Variants in RASGRP2 observed in about 807,000 individuals in gnomAD.
The protein encoded by RASGRP2 is RAS guanyl-releasing protein 2.
RASGRP2 carries 44 observed loss-of-function variants against 71.0 expected under a neutral mutation model. That is an observed-to-expected ratio of 0.62 (90% confidence interval 0.49 to 0.80). The LOEUF is 0.80. Ranked by LOEUF, RASGRP2 falls within the 30% of genes least tolerant of loss-of-function variation. The probability of loss-of-function intolerance (pLI) is 0.00; values close to 1 mark genes in which losing one functional copy is unlikely to be tolerated. For missense variants in RASGRP2, 663 were observed against 813.4 expected (o/e 0.82, Z 2.25); for synonymous variants, 350 against 330.7 (o/e 1.06, Z -0.63).
Position 64,727,059 on chromosome 11 carries a change from G to A in RASGRP2, c.*79C>T, listed in dbSNP as rs1274395578. 18 of 232,012 alleles carry A rather than the reference G, an allele frequency of 7.8e-5. No individual in the cohort carries two copies. The highest frequency in any genetic ancestry group is 4.0e-4 in the South Asian group (10 of 24,834). The allele number at this position is 232,012 out of a possible 1,614,324, so 14.4% of individuals were successfully genotyped here. Reference sequence around the variant, plus strand: ...ACCCCCATCCCCAGCCTCCTGCCCCGACACCCCCAGGCTCCCTGCTCTGGT... The same window carrying A: ...ACCCCCATCCCCAGCCTCCTGCCCCAACACCCCCAGGCTCCCTGCTCTGGT... On this transcript the variant is annotated 3_prime_UTR_variant, in exon 17 of 17. Transcript: ENST00000394432.
chr11:64,735,878 T>G lies in RASGRP2; in HGVS notation c.1173+25A>C. ...GGATTCTCAGGAGGGAAGGGCAGAGTGGAGAGGAGGGAGTACCCCCTCACC... is the reference window on the plus strand; with the variant it reads ...GGATTCTCAGGAGGGAAGGGCAGAGGGGAGAGGAGGGAGTACCCCCTCACC... On this transcript the variant is annotated intron_variant, in intron 10 of 16. Transcript: ENST00000394432. The surrounding 1 kb of genome is among the most constrained non-coding windows in gnomAD (Gnocchi z 4.2). The G allele has an allele frequency of 6.2e-7, 1 of 1,604,074 alleles. No individual in the cohort carries two copies. The highest frequency in any genetic ancestry group is 1.7e-5 in the Admixed American group (1 of 59,624).
At chr11:64,744,161 A>C (rs1592397385), upstream of RASGRP2, 1 of 985,994 alleles carries the variant, frequency 1.0e-6, no homozygotes, top group African/African-American at 1.8e-5. Flanking sequence ...ACGCATGTAC[A>C]CTCCCACACA....
intron 16 of RASGRP2, 69 bp from the exon 17 acceptor site, chr11:64,727,200 G>T: frequency 9.2e-7 from 1 of 1,088,428 alleles, no homozygotes; most frequent in Non-Finnish European, 1.4e-6. Flanking sequence ...CACCTGGCTT[G>T]GAGCCATTTG....
Position 64,735,499 on chromosome 11 carries a change from C to A in RASGRP2, c.1296+43G>T. 1.9e-6 allele frequency: 3 copies of A among 1,612,934 alleles called. No individual in the cohort carries two copies. In the Middle Eastern group the frequency reaches 4.9e-4, roughly 266 times the overall value. Reference sequence around the variant, plus strand: ...GCTTCCAGGGCAGTGCTCCGGCAAACTGGCCTCTCCCCACACACTGCTCAG... The same window carrying A: ...GCTTCCAGGGCAGTGCTCCGGCAAAATGGCCTCTCCCCACACACTGCTCAG... On this transcript the variant is annotated intron_variant, in intron 11 of 16. Transcript: ENST00000394432. The surrounding 1 kb of genome is among the most constrained non-coding windows in gnomAD (Gnocchi z 4.2).
chr11:64,740,892 A>G, intron 5 of RASGRP2, 56 bp downstream of exon 5: 1 of 1,605,154 alleles, frequency 6.2e-7, no homozygotes, highest in East Asian at 2.2e-5. Context: ...TTTATTAAGC[A>G]CAGATGGTAT....
Position 64,742,976 on chromosome 11 carries a change from C to T in RASGRP2, c.-71-39G>A. ...GGCAGAGCGGGAGTCTGCGGAGTCGCGGGCGGGGGAGCGGCCCCGCGGGCA... is the reference window on the plus strand; with the variant it reads ...GGCAGAGCGGGAGTCTGCGGAGTCGTGGGCGGGGGAGCGGCCCCGCGGGCA... On this transcript the variant is annotated intron_variant, in intron 1 of 16. Coordinates refer to ENST00000394432, the MANE Select transcript of RASGRP2 (RefSeq NM_001098671.2). The surrounding 1 kb of genome is among the most constrained non-coding windows in gnomAD (Gnocchi z 4.7). The T allele has an allele frequency of 6.6e-7, 1 of 1,510,014 alleles. No individual in the cohort carries two copies. The highest frequency in any genetic ancestry group is 1.2e-5 in the South Asian group (1 of 81,062). The allele number at this position is 1,510,014 out of a possible 1,614,324, so 93.5% of individuals were successfully genotyped here.
Position 64,740,128 on chromosome 11 carries a change from C to T in RASGRP2, c.407G>A (p.Arg136Gln), listed in dbSNP as rs751387962. The T allele has an allele frequency of 1.4e-5, 23 of 1,613,996 alleles. No homozygotes were observed. The highest frequency in any genetic ancestry group is 8.3e-5 in the Admixed American group (5 of 59,990). ...GCGCTTTTTCTGTCCCACAGGGTTC[C>T]GCTGAGTCACCTGCCGCTTCCACTT... ...TYKWKRQVTQ[R>Q]NPVGQKKRKM... is the part of the protein sequence containing the mutation. Residue 136 changes from arginine to glutamine, a missense_variant, in exon 6 of 17, where the codon CGG (arginine) becomes CAG (glutamine). Coordinates refer to ENST00000394432, the MANE Select transcript of RASGRP2 (RefSeq NM_001098671.2).
intron 8 of RASGRP2, among the ~76,000 whole-genome samples, chr11:64,737,429 G>GCT (rs2057977534): frequency 6.6e-6 from 1 of 152,080 alleles, no homozygotes; most frequent in African/African-American, 2.4e-5. Flanking sequence ...TCAGCACTTT[G>GCT]GGAGGCCATG....
intron 14 of RASGRP2, 87 bp from the exon 15 acceptor site, chr11:64,729,129 G>C: frequency 2.2e-6 from 3 of 1,370,382 alleles, no homozygotes; most frequent in Non-Finnish European, 3.0e-6. Context: ...CCCCTACCAG[G>C]AACCTTTGTT....
At position 64,729,796 on chromosome 11, in the gene RASGRP2, G is replaced by T; in HGVS notation, c.1557C>A (p.Ile519=). 1 of 1,614,092 alleles carries T rather than the reference G, an allele frequency of 6.2e-7. No individual in the cohort carries two copies. Among genetic ancestry groups the T allele is most frequent in the Non-Finnish European group, 8.5e-7 (1 of 1,179,932 alleles). ...PVACRHCKAL[I]LGIYKQGLKC... is the part of the protein sequence containing the mutation. ...TGAGGCCCTGCTTGTAGATGCCCAG[G>T]ATCTGCAATAGAGGAGGGGCCGTGG... Residue 519 remains isoleucine, a splice_region_variant and synonymous_variant, in exon 14 of 17, where the codon ATC becomes ATA. Coordinates refer to ENST00000394432, the MANE Select transcript of RASGRP2 (RefSeq NM_001098671.2).
In RASGRP2 at chr11:64,736,959, C is replaced by T. The variant is rs142770924; in HGVS notation, c.889G>A (p.Val297Met). 7 of 1,613,748 alleles carry T rather than the reference C, an allele frequency of 4.3e-6. No homozygotes were observed. In the African/African-American group the frequency reaches 9.3e-5, roughly 22 times the overall value. ...CCCAGGATCGGGAAGCGGAAGCCCA[C>T]ACAGGCTGCCAGCCGACGCCGGTAG... The part of the protein sequence containing the change: ...GNYRRRLAAC[V>M]GFRFPILGVH... Residue 297 changes from valine to methionine, a missense_variant, in exon 9 of 17, where the codon GTG becomes ATG. Coordinates refer to ENST00000394432, the MANE Select transcript of RASGRP2 (RefSeq NM_001098671.2).
Position 64,735,184 on chromosome 11 carries a change from G to C in RASGRP2, c.1340C>G (p.Ser447Ter). The C allele has an allele frequency of 6.2e-6, 10 of 1,614,192 alleles. No individual in the cohort carries two copies. Among genetic ancestry groups the C allele is most frequent in the Non-Finnish European group, 8.5e-6 (10 of 1,180,028 alleles). ...ACGGATGATCTGGAATTCTTCCTGT[G>C]AGATGTGGCCATCCCCATCGACGTC... ...NFDVDGDGHI[S>*]QEEFQIIRGN... The change falls in exon 12 of 17, where the codon TCA (serine) becomes TGA (stop). Residue 447 changes from serine to a stop codon, truncating the protein, a stop_gained. Transcript: ENST00000394432. LOFTEE classifies it high-confidence loss of function. This position sits in a 1 kb window ranked among gnomAD's most constrained non-coding sequence, Gnocchi z 4.2.
chr11:64,739,643 A>T lies in RASGRP2; in HGVS notation c.689T>A (p.Val230Glu), dbSNP rs2058055720. Reference sequence around the variant, plus strand: ...GGAGGGAGGGGCAGGCACCTCCGCCACGTGGACAAAGTGTGTGATGACCAG... The same window carrying T: ...GGAGGGAGGGGCAGGCACCTCCGCCTCGTGGACAAAGTGTGTGATGACCAG... ...RALVITHFVHVAEKLLQLQNF... is the reference protein window; with the variant it reads ...RALVITHFVHEAEKLLQLQNF... The change falls in exon 7 of 17, where the codon GTG becomes GAG. Residue 230 changes from valine to glutamate, a missense_variant. Transcript: ENST00000394432. This position sits in a 1 kb window ranked among gnomAD's most constrained non-coding sequence, Gnocchi z 4.2. 1 of 1,613,362 alleles carries T rather than the reference A, an allele frequency of 6.2e-7. No homozygotes were observed.
Position 64,740,183 on chromosome 11 carries a change from G to C in RASGRP2, c.372-20C>G, listed in dbSNP as rs573919337. 75 of 1,613,834 alleles carry C rather than the reference G, an allele frequency of 4.6e-5. No individual in the cohort carries two copies. In the East Asian group the frequency reaches 1.6e-3, roughly 34 times the overall value. On this transcript the variant is annotated intron_variant, in intron 5 of 16. Transcript: ENST00000394432. ...GTAGGGCTGGGGGGGCAGGGGTAGT[G>C]AGCCCTTTGCTGGACATGCGCATGA...
In RASGRP2 at chr11:64,739,788, C is replaced by T. The variant is rs1592380294; in HGVS notation, c.544G>A (p.Val182Met). ...TTGTCCACAGTGCAGCCATGAGTCA[C>T]GAAACTGTGATAGTCCTGAAACTGG... ...KILFQDYHSF[V>M]THGCTVDNPV... is the part of the protein sequence containing the mutation. Residue 182 changes from valine to methionine, a missense_variant, in exon 7 of 17, where the codon GTG becomes ATG. Val to Met is a conservative substitution (Grantham distance 21). Transcript: ENST00000394432. The surrounding 1 kb of genome is among the most constrained non-coding windows in gnomAD (Gnocchi z 4.2). 5.6e-6 allele frequency: 9 copies of T among 1,613,862 alleles called. No homozygotes were observed. Among genetic ancestry groups the T allele is most frequent in the African/African-American group, 1.3e-5 (1 of 75,010 alleles).
chr11:64,744,442 C>T, upstream of RASGRP2: 2 of 367,692 alleles, frequency 5.4e-6, no homozygotes, highest in Non-Finnish European at 7.5e-6. Context: ...CTCGTGTGAC[C>T]TTGAGAATCA....
At chr11:64,741,197 GCT>G (rs1156445284) in intron 4 of RASGRP2, 118 bp from the exon 5 acceptor site, 40 of 1,346,698 alleles carry the variant, frequency 3.0e-5, no homozygotes, top group Middle Eastern at 2.5e-4. Context: ...TATGGTTCCA[GCT>G]CTTTCCTTCG....
rs558279400 is a variant in RASGRP2 at position 64,737,145 on chromosome 11, T to TA, written c.814-112dup. 2.2e-6 allele frequency: 3 copies of TA among 1,333,586 alleles called. No individual in the cohort carries two copies. The African/African-American group carries it at 4.4e-5, about 20-fold the overall frequency. The allele number at this position is 1,333,586 out of a possible 1,614,324, so 82.6% of individuals were successfully genotyped here. On this transcript the variant is annotated intron_variant, in intron 8 of 16. Transcript: ENST00000394432. Reference sequence around the variant, plus strand: ...TCAGGGTCAGGGACAGGTGAAAGAGTAAAAACCTCCCTTACTGTCCCCCAC... The same window carrying TA: ...TCAGGGTCAGGGACAGGTGAAAGAGTAAAAAACCTCCCTTACTGTCCCCCAC...
chr11:64,729,632 C>T (rs547425994), intron 14 of RASGRP2, 130 bp downstream of exon 14: 10 of 1,176,570 alleles, frequency 8.5e-6, no homozygotes, highest in Admixed American at 5.3e-5. Flanking sequence ...CCACCATGCC[C>T]GGCCATGCGC....
Sources: allele counts gnomAD v4.1 joint callset (sites outside exome capture counted in the v4.1 genomes callset), GRCh38; gene constraint gnomAD v4.1.1; non-coding constraint Gnocchi (gnomAD v3.1); transcripts MANE v1.5; gene names NCBI Gene and HGNC (gene_info 2026-07-23, HGNC 2026-07-21).